The following CSE1L variants were observed in gnomAD, a reference collection of about 807,000 sequenced individuals.
CSE1L encodes chromosome segregation 1 like.
Under a neutral mutation model 120.4 loss-of-function variants are expected in CSE1L, and 24 were observed. The ratio of observed to expected loss-of-function variants is 0.20; its 90% CI spans 0.14 to 0.28. The LOEUF (loss-of-function observed/expected upper bound fraction) is 0.28. Ranked by LOEUF, CSE1L falls within the 10% of genes least tolerant of loss-of-function variation. The probability of loss-of-function intolerance (pLI) is 1.00; values close to 1 mark genes in which losing one functional copy is unlikely to be tolerated. For missense variants in CSE1L, 830 were observed against 1,145.2 expected (o/e 0.72, Z 3.97); for synonymous variants, 402 against 398.3 (o/e 1.01, Z -0.11).
At position 49,072,360 on chromosome 20, in the gene CSE1L, G is replaced by A; in HGVS notation, c.843G>A (p.Lys281=). ...ATAATGCCGCACTCTATGCACAAAA[G>A]TACGATGAAGAATTCCAGCGATACC... ...ICDNAALYAQ[K]YDEEFQRYLP... Residue 281 remains lysine (K), a synonymous_variant, in exon 9 of 25, where the codon AAG becomes AAA. Coordinates refer to ENST00000262982, the MANE Select transcript of CSE1L (RefSeq NM_001316.4). The A allele has an allele frequency of 6.2e-7, 1 of 1,614,160 alleles. No homozygotes were observed. Among genetic ancestry groups the A allele is most frequent in the South Asian group, 1.1e-5 (1 of 91,084 alleles).
intron 1 of CSE1L, among the ~76,000 whole-genome samples, chr20:49,057,725 G>A (rs1568763673): frequency 6.6e-6 from 1 of 152,044 alleles, no homozygotes; most frequent in South Asian, 2.1e-4. Context: ...TTTGCCTCCC[G>A]GGTTCAAGCG....
rs1404785597 is a variant in CSE1L at position 49,066,353 on chromosome 20, TTCC to T, written c.331-9_331-7del. On this transcript the variant is annotated splice_polypyrimidine_tract_variant and intron_variant, in intron 4 of 24. Coordinates refer to ENST00000262982, the MANE Select transcript of CSE1L (RefSeq NM_001316.4). The stretch of plus-strand genomic sequence containing the variant: ...GTAAAGCTCTGATCTAATTAATCTT[TTCC>T]TCTCCTAGTTAAGTGATGCAATTAG... 1.2e-6 allele frequency: 2 copies of T among 1,614,138 alleles called. No individual in the cohort carries two copies. Among genetic ancestry groups the T allele is most frequent in the Non-Finnish European group, 8.5e-7 (1 of 1,180,008 alleles).
At chr20:49,061,251 C>A (rs2091850471) in intron 2 of CSE1L, among the ~76,000 whole-genome samples, 1 of 145,976 alleles carries the variant, frequency 6.9e-6, no homozygotes, top group South Asian at 2.2e-4. Flanking sequence ...TGGCTCACTG[C>A]AAGCTCCGCC....
intron 16 of CSE1L, among the ~76,000 whole-genome samples, chr20:49,087,335 G>GTTTCTT (rs2092067250): frequency 1.4e-5 from 2 of 142,054 alleles, no homozygotes; most frequent in South Asian, 2.2e-4. Context: ...TCTGATGCTG[G>GTTTCTT]TTTCTTTTTC....
intron 6 of CSE1L, among the ~76,000 whole-genome samples, chr20:49,067,894 C>T (rs946643595): frequency 4.0e-5 from 6 of 149,556 alleles, no homozygotes; most frequent in African/African-American, 1.5e-4. Context: ...CACTACCATG[C>T]CTGGCTGCTT....
At chr20:49,063,155 T>C in intron 2 of CSE1L, 47 bp from the exon 3 acceptor site, 1 of 1,250,166 alleles carries the variant, frequency 8.0e-7, no homozygotes, top group Non-Finnish European at 1.1e-6. Context: ...ATATATAAGG[T>C]GGAAAGATTT....
At position 49,088,089 on chromosome 20, in the gene CSE1L, C is replaced by T. The variant is rs1187491446; in HGVS notation, c.1804C>T (p.Leu602=). The T allele has an allele frequency of 6.2e-7, 1 of 1,611,272 alleles. No individual in the cohort carries two copies. The highest frequency in any genetic ancestry group is 1.7e-5 in the Admixed American group (1 of 59,620). ...TCTCATCACTCAGCTTACACAGAAG[C>T]TATTAGCTGTTAGTAAGGTAATAGA... ...PTLITQLTQK[L]LAVSKNPSKP... Residue 602 remains leucine (L), a synonymous_variant, in exon 17 of 25, where the codon CTA becomes TTA. Coordinates refer to ENST00000262982, the MANE Select transcript of CSE1L (RefSeq NM_001316.4).
chr20:49,049,531 T>G (rs189736270), intron 1 of CSE1L, among the ~76,000 whole-genome samples: 1 of 152,230 alleles, frequency 6.6e-6, no homozygotes, highest in East Asian at 1.9e-4. Context: ...CAGTAACACT[T>G]TTTGCATTTA....
chr20:49,088,175 C>A lies in CSE1L; in HGVS notation c.1821+69C>A, dbSNP rs2092074505. 4.8e-6 allele frequency: 5 copies of A among 1,042,856 alleles called. No homozygotes were observed. The East Asian group carries it at 7.3e-5, about 15-fold the overall frequency. The allele number at this position is 1,042,856 out of a possible 1,614,324, so 64.6% of individuals were successfully genotyped here. ...TCCAAACTGTTTGGGCCTCAGAACT[C>A]TTTGGCATTACGTGAAGCTTTAGAG... On this transcript the variant is annotated intron_variant, in intron 17 of 24. Coordinates refer to ENST00000262982, the MANE Select transcript of CSE1L (RefSeq NM_001316.4).
intron 10 of CSE1L, among the ~76,000 whole-genome samples, chr20:49,073,545 G>A (rs557520178): frequency 6.6e-6 from 1 of 152,196 alleles, no homozygotes; most frequent in Admixed American, 6.5e-5. Flanking sequence ...GAGTGCAGTA[G>A]CACAGTTATG....
chr20:49,095,973 G>T lies in CSE1L; in HGVS notation c.2827-376G>T, dbSNP rs144539539. 6.9e-3 allele frequency among the ~76,000 whole-genome samples: 1,050 copies of T among 152,252 alleles called. 7 individuals are homozygous for T. The highest frequency in any genetic ancestry group is 9.3e-3 in the Non-Finnish European group (635 of 68,018). The stretch of plus-strand genomic sequence containing the variant: ...AGAAAGAGCATAATGAAGCCTGCAT[G>T]TGCCCAGCTTCAATAATTACCAATA... On this transcript the variant is annotated intron_variant, in intron 24 of 24. Transcript: ENST00000262982.
intron 1 of CSE1L, among the ~76,000 whole-genome samples, chr20:49,047,062 C>T (rs542291945): frequency 6.6e-6 from 1 of 152,220 alleles, no homozygotes; most frequent in Non-Finnish European, 1.5e-5. Context: ...TAGAAATCCC[C>T]TGTAACGCGG....
chr20:49,053,580 A>G (rs774860053), intron 1 of CSE1L, among the ~76,000 whole-genome samples: 4 of 151,446 alleles, frequency 2.6e-5, no homozygotes, highest in Non-Finnish European at 5.9e-5. Flanking sequence ...CAAACTCTTG[A>G]CCTCAGGTGA....
chr20:49,063,231 A>T lies in CSE1L; in HGVS notation c.115A>T (p.Asn39Tyr), dbSNP rs1256231469. Residue 39 changes from asparagine to tyrosine, a missense_variant, in exon 3 of 25, where the codon AAT (asparagine) becomes TAT (tyrosine). Coordinates refer to ENST00000262982, the MANE Select transcript of CSE1L (RefSeq NM_001316.4). ...GAAATTTCTTGAATCTGTTGAAGGA[A>T]ATCAGAATTATCCACTGTTGCTTTT... is the stretch of plus-strand genomic sequence containing the variant. ...AEKFLESVEGNQNYPLLLLTL... is the reference protein window; with the variant it reads ...AEKFLESVEGYQNYPLLLLTL... The T allele has an allele frequency of 6.3e-7, 1 of 1,586,894 alleles. No homozygotes were observed. Among genetic ancestry groups the T allele is most frequent in the Non-Finnish European group, 8.5e-7 (1 of 1,171,650 alleles).
At position 49,072,702 on chromosome 20, in the gene CSE1L, T is replaced by G; in HGVS notation, c.1066+5T>G. 6.2e-7 allele frequency: 1 copy of G among 1,603,966 alleles called. No homozygotes were observed. The highest frequency in any genetic ancestry group is 8.5e-7 in the Non-Finnish European group (1 of 1,177,064). ...TGCCTAACATGGAATTTAGAGGTAATTATGGCAAAAGTATATTAGTATAAA... is the reference window on the plus strand; with the variant it reads ...TGCCTAACATGGAATTTAGAGGTAAGTATGGCAAAAGTATATTAGTATAAA... On this transcript the variant is annotated splice_donor_5th_base_variant and intron_variant, in intron 10 of 24. Coordinates refer to ENST00000262982, the MANE Select transcript of CSE1L (RefSeq NM_001316.4).
At chr20:49,048,297 A>G (rs1568757975) in intron 1 of CSE1L, among the ~76,000 whole-genome samples, 1 of 152,138 alleles carries the variant, frequency 6.6e-6, no homozygotes, top group Non-Finnish European at 1.5e-5. Flanking sequence ...GGTCTGGGAC[A>G]GGATTGGATG....
At chr20:49,056,908 C>T (rs1167936100) in intron 1 of CSE1L, among the ~76,000 whole-genome samples, 2 of 150,816 alleles carry the variant, frequency 1.3e-5, no homozygotes, top group African/African-American at 4.9e-5. Flanking sequence ...TTAAAATATA[C>T]CCAGTAATTT....
At chr20:49,081,646 A>G (rs1391452004) in intron 14 of CSE1L, among the ~76,000 whole-genome samples, 3 of 152,014 alleles carry the variant, frequency 2.0e-5, no homozygotes, top group African/African-American at 7.2e-5. Flanking sequence ...TGAACTGTGA[A>G]TTCATCTTCT....
intron 1 of CSE1L, among the ~76,000 whole-genome samples, chr20:49,051,897 T>C (rs2091768788): frequency 1.3e-5 from 2 of 152,220 alleles, no homozygotes; most frequent in Admixed American, 1.3e-4. Context: ...GGTCTCACTA[T>C]GTTGCCCACG....
Sources: allele counts gnomAD v4.1 joint callset (sites outside exome capture counted in the v4.1 genomes callset), GRCh38; gene constraint gnomAD v4.1.1; transcripts MANE v1.5; gene names NCBI Gene and HGNC (gene_info 2026-07-23, HGNC 2026-07-21).